Variants in RNF220 observed in about 807,000 individuals in gnomAD.
The protein encoded by RNF220 is E3 ubiquitin-protein ligase RNF220.
Under a neutral mutation model 67.1 loss-of-function variants are expected in RNF220, and 7 were observed. The ratio of observed to expected loss-of-function variants is 0.10; its 90% CI spans 0.06 to 0.20. RNF220 has a LOEUF of 0.20. RNF220 is among the 10% of genes least tolerant of loss of function. RNF220 has a pLI of 1.00. For missense variants in RNF220, 565 were observed against 740.3 expected, an observed-to-expected ratio of 0.76 and a Z score of 2.75; for synonymous variants, 270 against 283.2, an observed-to-expected ratio of 0.95 and a Z score of 0.47.
At chr1:44,585,379 G>A (rs1483817113) in intron 2 of RNF220, among the ~76,000 whole-genome samples, 1 of 152,110 alleles carries the variant, frequency 6.6e-6, no homozygotes, top group African/African-American at 2.4e-5. Flanking sequence ...TGCTTCCTAA[G>A]ACAACGGCAA....
Position 44,517,120 on chromosome 1 carries a change from T to C in RNF220, c.626-97045T>C, listed in dbSNP as rs1659514383. Among the ~76,000 whole-genome samples the C allele has an allele frequency of 2.0e-5, 3 of 152,156 alleles. No homozygotes were observed. The South Asian group carries it at 6.2e-4, about 32-fold the overall frequency. On this transcript the variant is annotated intron_variant, in intron 2 of 14. Coordinates refer to ENST00000361799, the MANE Select transcript of RNF220 (RefSeq NM_018150.4). The stretch of plus-strand genomic sequence containing the variant: ...CCAGCTTGCCTGGCACCGCCCAAAA[T>C]CCAGGCATCAGCATCTGTCCTCTGT...
intron 8 of RNF220, 102 bp from the exon 9 acceptor site, chr1:44,644,596 G>C (rs999261585): frequency 3.6e-6 from 3 of 827,538 alleles, no homozygotes; most frequent in Non-Finnish European, 6.1e-6. Context: ...TTCCCTCTGG[G>C]CCTTATCAGG....
chr1:44,614,755 C>T (rs1643474242), intron 3 of RNF220, among the ~76,000 whole-genome samples: 2 of 152,144 alleles, frequency 1.3e-5, no homozygotes, highest in African/African-American at 4.8e-5. Flanking sequence ...GGTGTGTCCC[C>T]CACTGTCCCA....
rs1643890196 is a variant in RNF220 at position 44,624,721 on chromosome 1, T to C, written c.805-1576T>C. On this transcript the variant is annotated intron_variant, in intron 4 of 14. Coordinates refer to ENST00000361799, the MANE Select transcript of RNF220 (RefSeq NM_018150.4). The surrounding 1 kb of genome is among the most constrained non-coding windows in gnomAD (Gnocchi z 4.2). ...GAGGGCGAGGGGGCCTTAGACAAGA[T>C]TGATGGCCTCGTTGCCATTAAGAAA... 6.6e-6 allele frequency among the ~76,000 whole-genome samples: 1 copy of C among 152,074 alleles called. No individual in the cohort carries two copies. The highest frequency in any genetic ancestry group is 1.5e-5 in the Non-Finnish European group (1 of 68,006).
intron 2 of RNF220, among the ~76,000 whole-genome samples, chr1:44,455,889 G>C (rs1041049305): frequency 6.6e-5 from 10 of 152,170 alleles, no homozygotes; most frequent in African/African-American, 2.4e-4. Context: ...CACCTGAACC[G>C]ATCTCAGAAC....
chr1:44,537,500 C>A (rs1661324396), intron 2 of RNF220, among the ~76,000 whole-genome samples: 1 of 152,100 alleles, frequency 6.6e-6, no homozygotes, highest in Non-Finnish European at 1.5e-5. Context: ...GACCCTAAAC[C>A]CATGCATAGA....
chr1:44,453,527 T>C (rs761846063), intron 2 of RNF220, among the ~76,000 whole-genome samples: 1 of 152,136 alleles, frequency 6.6e-6, no homozygotes, highest in Non-Finnish European at 1.5e-5. Flanking sequence ...TATTAAAATA[T>C]ATATAACTTT....
chr1:44,430,150 A>G (rs1288182772), intron 2 of RNF220, among the ~76,000 whole-genome samples: 1 of 152,072 alleles, frequency 6.6e-6, no homozygotes, highest in Non-Finnish European at 1.5e-5. Context: ...TGTCAGAGAG[A>G]TACATATGAA....
In RNF220 at chr1:44,583,427, G is replaced by A. The variant is rs375989791; in HGVS notation, c.626-30738G>A. Among the ~76,000 whole-genome samples, 30 of 152,272 alleles carry A rather than the reference G, an allele frequency of 2.0e-4. No homozygotes were observed. The East Asian group carries it at 3.7e-3, about 19-fold the overall frequency. On this transcript the variant is annotated intron_variant, in intron 2 of 14. Coordinates refer to ENST00000361799, the MANE Select transcript of RNF220 (RefSeq NM_018150.4). ...CAATTTTAGCTTCATTTTCATAGCT[G>A]TTCAAACAGATACTAGAAATCTGTG... is the stretch of plus-strand genomic sequence containing the variant.
intron 2 of RNF220, among the ~76,000 whole-genome samples, chr1:44,429,158 CCAA>C (rs1650092484): frequency 7.1e-6 from 1 of 141,748 alleles, no homozygotes; most frequent in African/African-American, 2.5e-5. Flanking sequence ...TGCCTCCACT[CCAA>C]CACTAGCTTA....
chr1:44,507,869 C>T (rs1393460256), intron 2 of RNF220, among the ~76,000 whole-genome samples: 1 of 151,876 alleles, frequency 6.6e-6, no homozygotes, highest in African/African-American at 2.4e-5. Context: ...GGAGGTGCCC[C>T]CCCCTCACCA....
intron 8 of RNF220, among the ~76,000 whole-genome samples, chr1:44,642,754 TGTG>T (rs1196175179): frequency 1.3e-5 from 2 of 152,172 alleles, no homozygotes; most frequent in Admixed American, 6.5e-5. Context: ...TGGGCTCACA[TGTG>T]GTGCCAGGGT....
chr1:44,536,940 G>A (rs905177281), intron 2 of RNF220, among the ~76,000 whole-genome samples: 1 of 152,068 alleles, frequency 6.6e-6, no homozygotes, highest in Non-Finnish European at 1.5e-5. Context: ...AACAGTCCAG[G>A]CCCCTCGCTC....
chr1:44,648,546 C>G (rs1644709216), intron 12 of RNF220: 1 of 152,262 alleles, frequency 6.6e-6, no homozygotes, highest in South Asian at 2.1e-4. Flanking sequence ...CTAGCTATTC[C>G]CTGTTCAGCA....
At chr1:44,492,093 T>C (rs1362810335) in intron 2 of RNF220, among the ~76,000 whole-genome samples, 1 of 152,166 alleles carries the variant, frequency 6.6e-6, no homozygotes, top group East Asian at 1.9e-4. Flanking sequence ...AATGACTCAA[T>C]TTTAAAATGG....
intron 2 of RNF220, among the ~76,000 whole-genome samples, chr1:44,563,791 G>A (rs1481218267): frequency 3.3e-5 from 5 of 152,166 alleles, no homozygotes; most frequent in South Asian, 2.1e-4. Context: ...ACTTACGTCC[G>A]TGTTCTTCTT....
At chr1:44,581,036 T>G (rs937788639) in intron 2 of RNF220, among the ~76,000 whole-genome samples, 3 of 152,238 alleles carry the variant, frequency 2.0e-5, no homozygotes, top group African/African-American at 7.2e-5. Flanking sequence ...AAGGCTCATC[T>G]GTGCTTAAGA....
intron 2 of RNF220, among the ~76,000 whole-genome samples, chr1:44,463,216 A>G (rs985515875): frequency 2.2e-4 from 34 of 151,948 alleles, no homozygotes; most frequent in Non-Finnish European, 4.7e-4. Flanking sequence ...CATGCCTGTA[A>G]TCCCAGCTCT....
chr1:44,607,517 C>T (rs1451640724), intron 2 of RNF220, among the ~76,000 whole-genome samples: 1 of 149,920 alleles, frequency 6.7e-6, no homozygotes, highest in Non-Finnish European at 1.5e-5. Flanking sequence ...GACGGAGTCT[C>T]GCTTTGTCAC....
Sources: gnomAD v4.1 joint callset for allele counts (sites outside exome capture counted in the v4.1 genomes callset) on GRCh38, gnomAD v4.1.1 for gene constraint, Gnocchi (gnomAD v3.1) non-coding constraint, MANE v1.5 for transcripts, NCBI Gene and HGNC (gene_info 2026-07-23, HGNC 2026-07-21) for gene names.